SNAPC1: variants seen among roughly 807,000 people sequenced by gnomAD.
The protein encoded by SNAPC1 is snRNA-activating protein complex subunit 1.
A neutral mutation model predicts 50.1 loss-of-function variants in SNAPC1; 42 were observed. That is an observed-to-expected ratio of 0.84 (90% CI 0.65 to 1.08). The LOEUF (loss-of-function observed/expected upper bound fraction) is 1.08. SNAPC1 is among the 50% of genes least tolerant of loss of function. The pLI, the probability that SNAPC1 is intolerant of heterozygous loss-of-function variation, is 0.00. For synonymous variants in SNAPC1, 164 were observed against 144.2 expected (o/e 1.14, Z -0.98); for missense variants, 477 against 427.3 (o/e 1.12, Z -1.02).
chr14:61,763,921 A>G (rs1046625292), intron 1 of SNAPC1, among the ~76,000 whole-genome samples: 3 of 152,186 alleles, frequency 2.0e-5, no homozygotes, highest in African/African-American at 7.2e-5. Flanking sequence ...TAAGTGCTCA[A>G]TAAATGTTCA....
At chr14:61,773,706 T>C (rs1440831923) in intron 4 of SNAPC1, among the ~76,000 whole-genome samples, 1 of 147,898 alleles carries the variant, frequency 6.8e-6, no homozygotes, top group African/African-American at 2.5e-5. Flanking sequence ...TTTTTTTTTT[T>C]TTTATTTTTT....
At chr14:61,768,532 CTG>C (rs147257744) in intron 3 of SNAPC1, 102 bp from the exon 4 acceptor site, 79,452 of 611,428 alleles carry the variant, frequency 0.13, 6,023 homozygotes, top group Non-Finnish European at 0.16. Context: ...TTTGTTTTAT[CTG>C]TGTTTACTTA....
chr14:61,786,267 C>G (rs868608754), intron 8 of SNAPC1, among the ~76,000 whole-genome samples: 1 of 143,516 alleles, frequency 7.0e-6, no homozygotes, highest in Non-Finnish European at 1.5e-5. Context: ...CACAATAACA[C>G]GAGCAAATCA....
intron 1 of SNAPC1, 141 bp from the exon 2 acceptor site, chr14:61,766,735 C>T (rs2140174115): frequency 2.1e-6 from 1 of 486,224 alleles, no homozygotes; most frequent in African/African-American, 1.9e-5. Context: ...AAAATTATCT[C>T]TTTGTGCTTG....
Position 61,795,158 on chromosome 14 carries a change from T to A in SNAPC1, c.*175T>A, listed in dbSNP as rs1009157159. 1 of 529,728 alleles carries A rather than the reference T, an allele frequency of 1.9e-6. No individual in the cohort carries two copies. Among genetic ancestry groups the A allele is most frequent in the African/African-American group, 2.0e-5 (1 of 50,298 alleles). 32.8% of individuals were successfully genotyped at this position (529,728 alleles called of 1,614,324 possible). ...AGAATAAAAGTACAAAAAATTAGAA[T>A]AAGAATTCTTTAACATTTTCTTTAA... On this transcript the variant is annotated 3_prime_UTR_variant, in exon 10 of 10. Coordinates refer to ENST00000216294, the MANE Select transcript of SNAPC1 (RefSeq NM_003082.4).
intron 1 of SNAPC1, among the ~76,000 whole-genome samples, chr14:61,765,171 A>G (rs1048451764): frequency 3.3e-5 from 5 of 152,196 alleles, no homozygotes; most frequent in African/African-American, 9.7e-5. Flanking sequence ...AGACTGTTAC[A>G]TTGACTTTTT....
chr14:61,775,234 TAA>T lies in SNAPC1; in HGVS notation c.535-859_535-858del, dbSNP rs2045025904. Among the ~76,000 whole-genome samples, 3 of 152,164 alleles carry T rather than the reference TAA, an allele frequency of 2.0e-5. No individual in the cohort carries two copies. The South Asian group carries it at 6.2e-4, about 32-fold the overall frequency. On this transcript the variant is annotated intron_variant, in intron 4 of 9. Transcript: ENST00000216294. Reference sequence around the variant, plus strand: ...ATAAATAATGCCACAAATGGTGTCATAAATCACCCTCTATTTCTTTCTTTTTT... The same window carrying T: ...ATAAATAATGCCACAAATGGTGTCATATCACCCTCTATTTCTTTCTTTTTT...
chr14:61,778,704 T>A (rs2140180402), intron 6 of SNAPC1, 144 bp from the exon 7 acceptor site: 1 of 630,558 alleles, frequency 1.6e-6, no homozygotes, highest in South Asian at 1.9e-5. Context: ...GTGTGTGTAC[T>A]CAATGTATAC....
chr14:61,766,505 ACTT>A (rs1297057547), intron 1 of SNAPC1, among the ~76,000 whole-genome samples: 17 of 152,250 alleles, frequency 1.1e-4, no homozygotes, highest in African/African-American at 3.9e-4. Flanking sequence ...TTCAAGTGAT[ACTT>A]CTTTATAGCA....
intron 4 of SNAPC1, among the ~76,000 whole-genome samples, chr14:61,770,041 C>T (rs899656639): frequency 2.6e-5 from 4 of 152,182 alleles, no homozygotes; most frequent in African/African-American, 9.6e-5. Flanking sequence ...TTATTTCATT[C>T]GGTTGTTCTG....
intron 9 of SNAPC1, among the ~76,000 whole-genome samples, chr14:61,794,562 C>G (rs763380925): frequency 6.6e-6 from 1 of 152,082 alleles, no homozygotes; most frequent in African/African-American, 2.4e-5. Flanking sequence ...TGTACCACCA[C>G]GCCCGGCTAA....
Position 61,795,237 on chromosome 14 carries a change from C to G in SNAPC1, c.*254C>G, listed in dbSNP as rs547832848. 1.5e-5 allele frequency: 6 copies of G among 413,336 alleles called. No individual in the cohort carries two copies. In the East Asian group the frequency reaches 2.8e-4, roughly 19 times the overall value. The allele number at this position is 413,336 out of a possible 1,614,324, so 25.6% of individuals were successfully genotyped here. On this transcript the variant is annotated 3_prime_UTR_variant, in exon 10 of 10. Transcript: ENST00000216294. ...TATTTAGTATGTAATAGAAAAAATT[C>G]TGTTATTCGCAGATTGTTACTATTT...
At position 61,762,423 on chromosome 14, in the gene SNAPC1, G is replaced by GGCGTGCGGGCTTCGGAC; in HGVS notation, c.-22_-21insCGCGTGCGGGCTTCGGA. The GGCGTGCGGGCTTCGGAC allele has an allele frequency of 6.2e-7, 1 of 1,603,834 alleles. No individual in the cohort carries two copies. The highest frequency in any genetic ancestry group is 1.3e-5 in the African/African-American group (1 of 74,864). On this transcript the variant is annotated 5_prime_UTR_variant, in exon 1 of 10. Coordinates refer to ENST00000216294, the MANE Select transcript of SNAPC1 (RefSeq NM_003082.4). ...GACCACCGCTGGCTAGTCCGTTAGAGGCGTGCGGGCTTCGGAGGCGTGCGG... is the reference window on the plus strand; with the variant it reads ...GACCACCGCTGGCTAGTCCGTTAGAGGCGTGCGGGCTTCGGACGCGTGCGGGCTTCGGAGGCGTGCGG...
At chr14:61,773,600 G>C (rs954706222) in intron 4 of SNAPC1, among the ~76,000 whole-genome samples, 9 of 151,022 alleles carry the variant, frequency 6.0e-5, no homozygotes, top group African/African-American at 9.7e-5. Context: ...GTTTCACCGT[G>C]TTAGTCAGGA....
chr14:61,778,381 G>T (rs1423997096), intron 6 of SNAPC1, among the ~76,000 whole-genome samples: 1 of 152,210 alleles, frequency 6.6e-6, no homozygotes, highest in Non-Finnish European at 1.5e-5. Context: ...CCCTCAGTTC[G>T]TAGAGGATCA....
chr14:61,784,283 C>T (rs993541920), intron 8 of SNAPC1, among the ~76,000 whole-genome samples: 3 of 152,126 alleles, frequency 2.0e-5, no homozygotes, highest in Admixed American at 6.5e-5. Flanking sequence ...AATCCTAAGT[C>T]ACATGTATCA....
At chr14:61,792,498 C>A (rs2045159515) in intron 8 of SNAPC1, among the ~76,000 whole-genome samples, 1 of 152,108 alleles carries the variant, frequency 6.6e-6, no homozygotes, top group African/African-American at 2.4e-5. Context: ...TTGATGGCTG[C>A]AGATATAACC....
chr14:61,790,023 G>A (rs1458736322), intron 8 of SNAPC1, among the ~76,000 whole-genome samples: 2 of 152,222 alleles, frequency 1.3e-5, no homozygotes, highest in Non-Finnish European at 2.9e-5. Flanking sequence ...ACGGAGACTA[G>A]TGGAGAGGGG....
rs763086733 is a variant in SNAPC1, at chr14:61,768,696, C to T, written c.490C>T (p.Pro164Ser). The change falls in exon 4 of 10, where the codon CCA becomes TCA. Residue 164 changes from proline to serine, a missense_variant. Pro to Ser is a moderately conservative substitution (Grantham distance 74, BLOSUM62 -1). Transcript: ENST00000216294. The part of the protein sequence containing the change: ...RAEVTEEFKD[P>S]SDRVMKLITS... ...TGAAGTTACAGAAGAATTTAAGGAC[C>T]CAAGTGATCGTGTGATGAAACTTAT... The T allele has an allele frequency of 6.2e-7, 1 of 1,611,802 alleles. No individual in the cohort carries two copies. The highest frequency in any genetic ancestry group is 2.2e-5 in the East Asian group (1 of 44,788).
Sources: gnomAD v4.1 joint callset for allele counts (sites outside exome capture counted in the v4.1 genomes callset) on GRCh38, gnomAD v4.1.1 for gene constraint, MANE v1.5 for transcripts, NCBI Gene and HGNC (gene_info 2026-07-23, HGNC 2026-07-21) for gene names.